The following SNX27 variants were observed in gnomAD, a reference collection of about 807,000 sequenced individuals.
The protein encoded by SNX27 is sorting nexin-27.
In SNX27, 22 loss-of-function variants were observed where a neutral mutation model predicts 71.6. The ratio of observed to expected loss-of-function variants is 0.31; its 90% CI spans 0.22 to 0.44. The LOEUF (loss-of-function observed/expected upper bound fraction) is 0.44, where lower values mean the gene tolerates loss of function less well. Ranked by LOEUF, SNX27 falls within the 20% of genes least tolerant of loss-of-function variation. The pLI, the probability that SNX27 is intolerant of heterozygous loss-of-function variation, is 1.00. For synonymous variants in SNX27, 269 were observed against 277.2 expected (o/e 0.97, Z 0.29); for missense variants, 531 against 698.6 (o/e 0.76, Z 2.70).
At chr1:151,668,355 G>A in intron 6 of SNX27, 117 bp from the exon 7 acceptor site, 4 of 930,096 alleles carry the variant, frequency 4.3e-6, no homozygotes, top group Admixed American at 2.8e-5. Flanking sequence ...TGGTGGATTT[G>A]AGATGATGTT....
intron 10 of SNX27, 135 bp downstream of exon 10, chr1:151,693,174 C>T: frequency 1.5e-6 from 2 of 1,310,098 alleles, no homozygotes; most frequent in Non-Finnish European, 2.1e-6. Flanking sequence ...TCCTGGAGCC[C>T]CCAGATTCAT....
intron 1 of SNX27, among the ~76,000 whole-genome samples, chr1:151,623,887 C>CT (rs1276181787): frequency 6.6e-6 from 1 of 152,176 alleles, no homozygotes; most frequent in Non-Finnish European, 1.5e-5. Context: ...TCAGAACTTA[C>CT]TTTAAGACCT....
At chr1:151,645,740 A>G (rs1343935870) in intron 2 of SNX27, among the ~76,000 whole-genome samples, 4 of 152,190 alleles carry the variant, frequency 2.6e-5, no homozygotes, top group Non-Finnish European at 4.4e-5. Context: ...TCTGAGTTTT[A>G]GTTACTTAAA....
At chr1:151,651,957 G>T (rs57802172) in intron 2 of SNX27, among the ~76,000 whole-genome samples, 2,324 of 152,058 alleles carry the variant, frequency 0.015, 54 homozygotes, top group African/African-American at 0.052. Context: ...CCCGGCACCT[G>T]GGGAGGCCGA....
intron 1 of SNX27, among the ~76,000 whole-genome samples, chr1:151,621,368 TTTGAGTACTC>T (rs1241333405): frequency 6.6e-6 from 1 of 152,244 alleles, no homozygotes; most frequent in Non-Finnish European, 1.5e-5. Flanking sequence ...AGGAGTTGTA[TTTGAGTACTC>T]TTATGTGTAC....
intron 7 of SNX27, among the ~76,000 whole-genome samples, chr1:151,672,645 T>G (rs911349467): frequency 3.9e-5 from 6 of 152,124 alleles, no homozygotes; most frequent in African/African-American, 1.2e-4. Flanking sequence ...TACTGGAGAC[T>G]TTATTATGGC....
At chr1:151,638,819 A>G in intron 1 of SNX27, 69 bp from the exon 2 acceptor site, 1 of 1,393,780 alleles carries the variant, frequency 7.2e-7, no homozygotes, top group South Asian at 1.2e-5. Flanking sequence ...TTTGGGCAGG[A>G]GGGTGGAGAT....
At chr1:151,692,304 G>GAA in intron 8 of SNX27, 131 bp from the exon 9 acceptor site, 2 of 1,206,110 alleles carry the variant, frequency 1.7e-6, no homozygotes, top group Non-Finnish European at 2.2e-6. Flanking sequence ...AGGTCTTCAG[G>GAA]TTGTTGGGTG....
At position 151,647,795 on chromosome 1, in the gene SNX27, T is replaced by C. The variant is rs572650739; in HGVS notation, c.543+8676T>C. ...AGGAATTTGCTTCACAGCTCTTTCC[T>C]GTCCCAAGATCTATGCCTGATGTGT... On this transcript the variant is annotated intron_variant, in intron 2 of 11. Coordinates refer to ENST00000458013, the MANE Select transcript of SNX27 (RefSeq NM_001330723.2). 4.8e-3 allele frequency among the ~76,000 whole-genome samples: 689 copies of C among 143,024 alleles called. 7 individuals are homozygous for C. The highest frequency in any genetic ancestry group is 0.017 in the African/African-American group (664 of 38,226). The allele number at this position is 143,024 out of a possible 152,430, so 93.8% of individuals were successfully genotyped here. A position where few individuals can be genotyped will look rare whatever the true frequency, so the allele number is the denominator to read the frequency against.
intron 3 of SNX27, among the ~76,000 whole-genome samples, chr1:151,659,343 G>T (rs1393040419): frequency 6.6e-6 from 1 of 152,098 alleles, no homozygotes; most frequent in Non-Finnish European, 1.5e-5. Context: ...TGCCTCCCAG[G>T]TTCAAGCGAT....
intron 7 of SNX27, 107 bp downstream of exon 7, chr1:151,668,742 G>T: frequency 1.1e-6 from 1 of 908,274 alleles, no homozygotes; most frequent in South Asian, 2.1e-5. Context: ...TTTGCTCCTG[G>T]GTCTGAATTA....
At chr1:151,657,380 C>A (rs560536232) in intron 2 of SNX27, among the ~76,000 whole-genome samples, 2 of 152,128 alleles carry the variant, frequency 1.3e-5, no homozygotes, top group African/African-American at 2.4e-5. Context: ...GTTGCCCAGG[C>A]TGGTCTTGAA....
At chr1:151,623,068 G>A (rs1667747549) in intron 1 of SNX27, among the ~76,000 whole-genome samples, 1 of 150,196 alleles carries the variant, frequency 6.7e-6, no homozygotes, top group Non-Finnish European at 1.5e-5. Context: ...CCCCTCCCAG[G>A]TCCAAGTGAT....
chr1:151,631,755 A>G (rs1250014895), intron 1 of SNX27, among the ~76,000 whole-genome samples: 19 of 151,722 alleles, frequency 1.3e-4, no homozygotes, highest in Admixed American at 1.2e-3. Flanking sequence ...GCGCAATCTC[A>G]GCTCACTGCC....
At chr1:151,622,428 A>G (rs1667716995) in intron 1 of SNX27, among the ~76,000 whole-genome samples, 1 of 152,224 alleles carries the variant, frequency 6.6e-6, no homozygotes, top group African/African-American at 2.4e-5. Flanking sequence ...TTTTAATTAC[A>G]TTATGTAGTA....
intron 2 of SNX27, among the ~76,000 whole-genome samples, chr1:151,640,090 C>T (rs929070808): frequency 6.6e-6 from 1 of 152,108 alleles, no homozygotes; most frequent in East Asian, 1.9e-4. Context: ...AAAAGAGTTG[C>T]AGAGGATCAA....
At chr1:151,683,739 T>C (rs1013933398) in intron 8 of SNX27, among the ~76,000 whole-genome samples, 4 of 152,182 alleles carry the variant, frequency 2.6e-5, no homozygotes, top group Admixed American at 6.5e-5. Flanking sequence ...CGATCTAGGC[T>C]CACTGCAACC....
rs925257652 is a variant in SNX27, at chr1:151,663,208, T to C, written c.906+938T>C. On this transcript the variant is annotated intron_variant, in intron 5 of 11. Transcript: ENST00000458013. ...CTCTGTCGCCCAGACTGGAGTGCAGTGGTGCGATCTTGGCTCACTGCAAGC... is the reference window on the plus strand; with the variant it reads ...CTCTGTCGCCCAGACTGGAGTGCAGCGGTGCGATCTTGGCTCACTGCAAGC... Among the ~76,000 whole-genome samples, 8 of 151,576 alleles carry C rather than the reference T, an allele frequency of 5.3e-5. No homozygotes were observed. The South Asian group carries it at 8.4e-4, about 16-fold the overall frequency.
intron 2 of SNX27, among the ~76,000 whole-genome samples, chr1:151,643,035 C>T (rs1422967319): frequency 1.3e-5 from 2 of 152,128 alleles, no homozygotes; most frequent in African/African-American, 4.8e-5. Flanking sequence ...GTGATCTTGG[C>T]TCACTGTAAC....
Sources: allele counts gnomAD v4.1 joint callset (sites outside exome capture counted in the v4.1 genomes callset), GRCh38; gene constraint gnomAD v4.1.1; transcripts MANE v1.5; gene names NCBI Gene and HGNC (gene_info 2026-07-23, HGNC 2026-07-21).